Variants in NCALD observed in about 807,000 individuals in gnomAD.
NCALD encodes neurocalcin-delta.
In NCALD, 10 loss-of-function variants were observed where a neutral mutation model predicts 18.6. The ratio of observed to expected loss-of-function variants is 0.54; its 90% CI spans 0.33 to 0.91. The LOEUF (loss-of-function observed/expected upper bound fraction) is 0.91, where lower values mean the gene tolerates loss of function less well. Among genes scored for constraint, NCALD ranks in the 40% least tolerant of loss-of-function variants. The probability of loss-of-function intolerance (pLI) is 0.03; values close to 1 mark genes in which losing one functional copy is unlikely to be tolerated. For missense variants in NCALD, 184 were observed against 247.6 expected, an observed-to-expected ratio of 0.74 and a Z score of 1.72; for synonymous variants, 88 against 87.4, an observed-to-expected ratio of 1.01 and a Z score of -0.04.
chr8:102,007,144 CAG>C (rs1292378701), intron 2 of NCALD, among the ~76,000 whole-genome samples: 3 of 152,040 alleles, frequency 2.0e-5, no homozygotes, highest in Admixed American at 2.0e-4. Flanking sequence ...CTGGATTAAA[CAG>C]AAAAAAGGGC....
chr8:101,726,374 G>C (rs1816574722), intron 1 of NCALD, among the ~76,000 whole-genome samples: 1 of 152,180 alleles, frequency 6.6e-6, no homozygotes, highest in East Asian at 1.9e-4. Context: ...CAATGATCCA[G>C]GCAAGAGGTG....
At chr8:101,988,759 C>T (rs61662144) in intron 2 of NCALD, among the ~76,000 whole-genome samples, 2 of 152,074 alleles carry the variant, frequency 1.3e-5, no homozygotes, top group African/African-American at 4.8e-5. Flanking sequence ...TATATGAAGT[C>T]TGAGTCTGAG....
chr8:101,851,632 T>C (rs930031697), intron 4 of NCALD, among the ~76,000 whole-genome samples: 2 of 152,282 alleles, frequency 1.3e-5, no homozygotes, highest in South Asian at 4.2e-4. Flanking sequence ...AGCTACTCCA[T>C]ACCTGCCTTT....
intron 1 of NCALD, among the ~76,000 whole-genome samples, chr8:102,039,596 C>G (rs1386030177): frequency 2.0e-5 from 3 of 152,144 alleles, no homozygotes; most frequent in Non-Finnish European, 2.9e-5. Context: ...GACTGGCTCC[C>G]TATTCTGCCA....
At chr8:101,805,064 C>T (rs1407559924) in intron 4 of NCALD, among the ~76,000 whole-genome samples, 1 of 152,118 alleles carries the variant, frequency 6.6e-6, no homozygotes, top group Non-Finnish European at 1.5e-5. Flanking sequence ...TCCCCAATGA[C>T]TTAAGTATAA....
At chr8:101,821,084 C>T (rs892559312) in intron 4 of NCALD, among the ~76,000 whole-genome samples, 1 of 152,192 alleles carries the variant, frequency 6.6e-6, no homozygotes, top group Admixed American at 6.5e-5. Flanking sequence ...ATTCATCCTC[C>T]TTTATCCAAA....
chr8:101,841,236 CT>C (rs1172607564), intron 4 of NCALD, among the ~76,000 whole-genome samples: 7 of 152,218 alleles, frequency 4.6e-5, no homozygotes, highest in Admixed American at 4.6e-4. Context: ...ATGAGACCAG[CT>C]TCTGTCACTC....
chr8:101,903,578 T>C (rs1314413570), intron 3 of NCALD, among the ~76,000 whole-genome samples: 2 of 152,116 alleles, frequency 1.3e-5, no homozygotes, highest in Non-Finnish European at 2.9e-5. Flanking sequence ...TTGGAAATGT[T>C]GCTGTTCTCT....
chr8:101,995,597 C>A (rs555722208), intron 2 of NCALD, among the ~76,000 whole-genome samples: 62 of 152,152 alleles, frequency 4.1e-4, no homozygotes, highest in African/African-American at 1.4e-3. Context: ...AGATCTCCTG[C>A]GAACTCAGAG....
intron 3 of NCALD, among the ~76,000 whole-genome samples, chr8:101,909,610 A>C (rs985493834): frequency 7.9e-5 from 12 of 152,192 alleles, no homozygotes; most frequent in African/African-American, 2.7e-4. Flanking sequence ...CCACCTCAGA[A>C]TAGGCTTTGT....
intron 4 of NCALD, among the ~76,000 whole-genome samples, chr8:101,861,062 G>A (rs1815521659): frequency 6.6e-6 from 1 of 152,124 alleles, no homozygotes; most frequent in Admixed American, 6.6e-5. Context: ...GCAAGGAAAG[G>A]ATGCTCCCCT....
chr8:101,912,795 T>G (rs1817846599), intron 3 of NCALD, among the ~76,000 whole-genome samples: 1 of 152,222 alleles, frequency 6.6e-6, no homozygotes. Context: ...GACCTGTGAC[T>G]TGATTTTCAG....
chr8:102,067,515 T>C (rs1349179173), intron 1 of NCALD, among the ~76,000 whole-genome samples: 1 of 152,162 alleles, frequency 6.6e-6, no homozygotes, highest in Admixed American at 6.6e-5. Flanking sequence ...TAGCAAGGAC[T>C]TTCCAGGAAG....
chr8:102,060,925 A>G (rs1339024253), intron 1 of NCALD, among the ~76,000 whole-genome samples: 4 of 152,196 alleles, frequency 2.6e-5, no homozygotes, highest in Non-Finnish European at 5.9e-5. Flanking sequence ...ATGGCTTGGC[A>G]GCATTATTTA....
intron 2 of NCALD, among the ~76,000 whole-genome samples, chr8:101,938,202 A>G (rs1324507582): frequency 6.6e-6 from 1 of 152,240 alleles, no homozygotes; most frequent in East Asian, 1.9e-4. Context: ...TTTTGACATA[A>G]TATTAGCCTC....
intron 4 of NCALD, among the ~76,000 whole-genome samples, chr8:101,809,082 A>G (rs1813214108): frequency 6.6e-6 from 1 of 152,214 alleles, no homozygotes; most frequent in African/African-American, 2.4e-5. Context: ...AGGAGTCCCT[A>G]AAGAAGAAAA....
At chr8:102,027,399 C>T (rs1018442954) in intron 1 of NCALD, among the ~76,000 whole-genome samples, 9 of 152,166 alleles carry the variant, frequency 5.9e-5, no homozygotes, top group African/African-American at 7.2e-5. Context: ...GGCAAAATGC[C>T]GCCAGTTTCT....
At chr8:101,776,327 T>C (rs906244518) in intron 1 of NCALD, among the ~76,000 whole-genome samples, 8 of 152,176 alleles carry the variant, frequency 5.3e-5, no homozygotes, top group African/African-American at 1.7e-4. Context: ...TAATGTGTCA[T>C]TCATTCTTTC....
chr8:101,907,809 A>G (rs931314199), intron 3 of NCALD, among the ~76,000 whole-genome samples: 7 of 152,204 alleles, frequency 4.6e-5, no homozygotes, highest in African/African-American at 1.7e-4. Flanking sequence ...CTGGTATTAC[A>G]TTTCTGTAAC....
Sources: allele counts gnomAD v4.1 joint callset (sites outside exome capture counted in the v4.1 genomes callset), GRCh38; gene constraint gnomAD v4.1.1; transcripts MANE v1.5; gene names NCBI Gene and HGNC (gene_info 2026-07-23, HGNC 2026-07-21).